The following SLC26A9 variants were observed in gnomAD, a reference collection of about 807,000 sequenced individuals.
SLC26A9 encodes the protein solute carrier family 26 member 9.
SLC26A9 carries 46 observed loss-of-function variants against 87.1 expected under a neutral mutation model. That is an observed-to-expected ratio of 0.53 (90% CI 0.42 to 0.67). The LOEUF (loss-of-function observed/expected upper bound fraction) is 0.67, where lower values mean the gene tolerates loss of function less well. Among genes scored for constraint, SLC26A9 ranks in the 30% least tolerant of loss-of-function variants. SLC26A9 has a pLI of 0.00. For synonymous variants in SLC26A9, 437 were observed against 409.1 expected (o/e 1.07, Z -0.82); for missense variants, 927 against 1,018.3 (o/e 0.91, Z 1.22).
intron 4 of SLC26A9, 60 bp from the exon 5 acceptor site, chr1:205,932,095 G>GA: frequency 6.3e-7 from 1 of 1,591,870 alleles, no homozygotes; most frequent in Non-Finnish European, 8.6e-7. Flanking sequence ...ATGGAAACCA[G>GA]AAAGGGGCCC....
chr1:205,929,869 C>T, intron 6 of SLC26A9, 23 bp downstream of exon 6: 1 of 1,569,756 alleles, frequency 6.4e-7, no homozygotes, highest in Non-Finnish European at 8.7e-7. Flanking sequence ...GCTCCAATGG[C>T]AGGGGTGCAT....
chr1:205,935,869 G>A (rs1411911897), intron 1 of SLC26A9, 31 bp from the exon 2 acceptor site: 3 of 1,593,878 alleles, frequency 1.9e-6, no homozygotes, highest in Admixed American at 3.4e-5. Context: ...GGGAGGGTGA[G>A]GGAACATCCC....
rs536207644 is a variant in SLC26A9 at position 205,927,384 on chromosome 1, C to T, written c.1216-96G>A. On this transcript the variant is annotated intron_variant, in intron 10 of 20. Transcript: ENST00000367135. ...GGCTTTGGTGGAGTGGAGACTAAGA[C>T]GGGAAGAAGGGGTCGGAGAAGAGCT... The T allele has an allele frequency of 4.2e-5, 66 of 1,559,548 alleles. No homozygotes were observed. The East Asian group carries it at 4.5e-4, about 11-fold the overall frequency.
chr1:205,929,697 A>G (rs754442748), intron 6 of SLC26A9, among the ~76,000 whole-genome samples, 195 bp downstream of exon 6: 1 of 152,236 alleles, frequency 6.6e-6, no homozygotes, highest in Non-Finnish European at 1.5e-5. Context: ...TCTTTTCTGC[A>G]GGGATTAACT....
At position 205,915,218 on chromosome 1, in the gene SLC26A9, A is replaced by C; in HGVS notation, c.*139T>G. The C allele has an allele frequency of 6.2e-7, 1 of 1,606,002 alleles. No homozygotes were observed. Among genetic ancestry groups the C allele is most frequent in the Non-Finnish European group, 8.5e-7 (1 of 1,175,154 alleles). On this transcript the variant is annotated 3_prime_UTR_variant, in exon 21 of 21. Coordinates refer to ENST00000367135, the MANE Select transcript of SLC26A9 (RefSeq NM_052934.4). The stretch of plus-strand genomic sequence containing the variant: ...CGGGGAGGGAAGGAAGGGAGGAGAG[A>C]GGGGGAGAGGAGAGAGGAACCCAAG...
chr1:205,922,493 T>A (rs568175224), intron 16 of SLC26A9, among the ~76,000 whole-genome samples: 18 of 152,158 alleles, frequency 1.2e-4, no homozygotes, highest in Non-Finnish European at 2.5e-4. Context: ...TCACTGCTGT[T>A]CCCCCTCTGG....
In SLC26A9 at chr1:205,923,151, G is replaced by A. The variant is rs1290225837; in HGVS notation, c.1704C>T (p.Tyr568=). The change falls in exon 16 of 21, where the codon TAC becomes TAT. Residue 568 remains tyrosine (Y), a synonymous_variant. Coordinates refer to ENST00000367135, the MANE Select transcript of SLC26A9 (RefSeq NM_052934.4). The stretch of plus-strand genomic sequence containing the variant: ...TTCTCCGCTTCTCCTGCTTCTTGAG[G>A]TATTTTTGCTTGGCTAGTAATACTT... ...PQKVLLAKQK[Y]LKKQEKRRMR... The A allele has an allele frequency of 6.2e-7, 1 of 1,614,004 alleles. No homozygotes were observed. Among genetic ancestry groups the A allele is most frequent in the African/African-American group, 1.3e-5 (1 of 74,896 alleles).
intron 17 of SLC26A9, 149 bp downstream of exon 17, chr1:205,921,416 TG>T: frequency 1.9e-6 from 2 of 1,047,802 alleles, no homozygotes; most frequent in Non-Finnish European, 2.7e-6. Context: ...TGGTGGCGTC[TG>T]GGGAAAGGAG....
At chr1:205,931,723 TC>T (rs35495057) in intron 5 of SLC26A9, 136 bp downstream of exon 5, 25 of 1,205,080 alleles carry the variant, frequency 2.1e-5, no homozygotes, top group South Asian at 6.7e-5. Context: ...CTCCTCAGCC[TC>T]CCAAAGTGCT....
intron 1 of SLC26A9, among the ~76,000 whole-genome samples, chr1:205,939,402 A>G (rs1659648152): frequency 6.6e-6 from 1 of 151,786 alleles, no homozygotes; most frequent in Non-Finnish European, 1.5e-5. Context: ...GGGTTCTGTT[A>G]CTCCTCTTGA....
intron 5 of SLC26A9, among the ~76,000 whole-genome samples, chr1:205,931,513 C>T (rs1659307672): frequency 1.5e-5 from 2 of 129,948 alleles, no homozygotes; most frequent in Admixed American, 8.6e-5. Flanking sequence ...GTCACCCAGG[C>T]TGGAGTGCAG....
chr1:205,921,635 G>C lies in SLC26A9; in HGVS notation c.1986C>G (p.Phe662Leu). 6.2e-7 allele frequency: 1 copy of C among 1,610,266 alleles called. No individual in the cohort carries two copies. Among genetic ancestry groups the C allele is most frequent in the South Asian group, 1.1e-5 (1 of 90,340 alleles). ...CACTCATGTCCAGGATGAGGGTGTG[G>C]AAGGTGACGAAGGGTGGGACGCTGG... ...MLASVPPFVT[F>L]HTLILDMSGV... Residue 662 changes from phenylalanine (F) to leucine (L), a missense_variant, in exon 17 of 21, where the codon TTC becomes TTG. Phe to Leu is a conservative substitution (Grantham distance 22). Transcript: ENST00000367135.
Position 205,932,044 on chromosome 1 carries a change from C to A in SLC26A9, c.377-9G>T, listed in dbSNP as rs1296961860. ...GATAACGGCAAAGGTACCTGTGGTG[C>A]CCCACCCAGCCAGCAAAAATCAGAG... On this transcript the variant is annotated splice_polypyrimidine_tract_variant and intron_variant, in intron 4 of 20. Transcript: ENST00000367135. 1 of 1,613,308 alleles carries A rather than the reference C, an allele frequency of 6.2e-7. No individual in the cohort carries two copies. Among genetic ancestry groups the A allele is most frequent in the African/African-American group, 1.3e-5 (1 of 74,936 alleles).
chr1:205,924,594 G>T (rs1658991041), intron 12 of SLC26A9, 105 bp from the exon 13 acceptor site: 2 of 877,808 alleles, frequency 2.3e-6, no homozygotes, highest in Non-Finnish European at 3.5e-6. Flanking sequence ...CAACCTCAGA[G>T]CCTCTCTTCT....
At position 205,914,758 on chromosome 1, in the gene SLC26A9, T is replaced by C; in HGVS notation, c.*599A>G. ...GTGGTTTGGGCAGCCTTGGGGATGA[T>C]GGAGGGGGGGCGCATAGTTACCAAG... On this transcript the variant is annotated 3_prime_UTR_variant, in exon 21 of 21. Coordinates refer to ENST00000367135, the MANE Select transcript of SLC26A9 (RefSeq NM_052934.4). 10 of 1,133,616 alleles carry C rather than the reference T, an allele frequency of 8.8e-6. No homozygotes were observed. The highest frequency in any genetic ancestry group is 6.2e-5 in the South Asian group (4 of 64,932). 70.2% of individuals were successfully genotyped at this position (1,133,616 alleles called of 1,614,324 possible).
chr1:205,920,244 T>A lies in SLC26A9; in HGVS notation c.2056-14A>T, dbSNP rs1320859565. On this transcript the variant is annotated splice_polypyrimidine_tract_variant and intron_variant, in intron 17 of 20. Transcript: ENST00000367135. ...GGTGGAGCTCAGCTAGAAGTGTTGTTGGGGTAGGGAGGCAAAAGGAAAGGA... is the reference window on the plus strand; with the variant it reads ...GGTGGAGCTCAGCTAGAAGTGTTGTAGGGGTAGGGAGGCAAAAGGAAAGGA... 3 of 1,613,860 alleles carry A rather than the reference T, an allele frequency of 1.9e-6. No homozygotes were observed. In the South Asian group the frequency reaches 3.3e-5, roughly 18 times the overall value.
intron 2 of SLC26A9, among the ~76,000 whole-genome samples, chr1:205,934,388 T>C (rs1318619730): frequency 6.6e-6 from 1 of 152,168 alleles, no homozygotes; most frequent in Non-Finnish European, 1.5e-5. Context: ...GGTCTGTTTG[T>C]GGCAGAGAAA....
At chr1:205,928,745 C>G in intron 8 of SLC26A9, 82 bp downstream of exon 8, 1 of 1,311,008 alleles carries the variant, frequency 7.6e-7, no homozygotes, top group Non-Finnish European at 1.1e-6. Flanking sequence ...TCATAGAGTT[C>G]ATCTTGTCTC....
At chr1:205,920,421 G>A (rs1312487039) in intron 17 of SLC26A9, among the ~76,000 whole-genome samples, 191 bp from the exon 18 acceptor site, 1 of 152,226 alleles carries the variant, frequency 6.6e-6, no homozygotes, top group African/African-American at 2.4e-5. Context: ...GGTTTCTCTG[G>A]GAAGTGGAGC....
Sources: allele counts gnomAD v4.1 joint callset (sites outside exome capture counted in the v4.1 genomes callset), GRCh38; gene constraint gnomAD v4.1.1; transcripts MANE v1.5; gene names NCBI Gene and HGNC (gene_info 2026-07-23, HGNC 2026-07-21).